The following TMEM184C variants were observed in gnomAD, a reference collection of about 807,000 sequenced individuals.
TMEM184C encodes transmembrane protein 34.
In TMEM184C, 25 loss-of-function variants were observed where a neutral mutation model predicts 54.5. The ratio of observed to expected loss-of-function variants is 0.46; its 90% CI spans 0.33 to 0.64. TMEM184C has a LOEUF of 0.64. Among genes scored for constraint, TMEM184C ranks in the 30% least tolerant of loss-of-function variants. TMEM184C has a pLI of 0.02. For synonymous variants in TMEM184C, 148 were observed against 181.5 expected (o/e 0.82, Z 1.49); for missense variants, 335 against 520.3 (o/e 0.64, Z 3.46).
Position 147,623,968 on chromosome 4 carries a change from T to C in TMEM184C, c.254+4T>C, listed in dbSNP as rs1732762894. On this transcript the variant is annotated splice_donor_region_variant and intron_variant, in intron 2 of 9. Coordinates refer to ENST00000296582, the MANE Select transcript of TMEM184C (RefSeq NM_018241.3). ...AACTACAAAAACCAATAATAAGGTA[T>C]GTCTTAATAATTTTGATTCCACTAC... The C allele has an allele frequency of 3.1e-6, 5 of 1,613,838 alleles. 1 individual carries two copies. In the Middle Eastern group the frequency reaches 8.3e-4, roughly 266 times the overall value.
At chr4:147,629,955 G>A (rs1297461000) in intron 6 of TMEM184C, among the ~76,000 whole-genome samples, 1 of 151,104 alleles carries the variant, frequency 6.6e-6, no homozygotes, top group Non-Finnish European at 1.5e-5. Context: ...TATTTCTGTT[G>A]CTCATTGCAT....
At chr4:147,620,954 G>C (rs561271111) in intron 1 of TMEM184C, among the ~76,000 whole-genome samples, 1 of 152,118 alleles carries the variant, frequency 6.6e-6, no homozygotes, top group Non-Finnish European at 1.5e-5. Flanking sequence ...CCAGGCTGCC[G>C]TGAGAAAATA....
At chr4:147,625,136 C>T in intron 4 of TMEM184C, 127 bp downstream of exon 4, 10 of 817,826 alleles carry the variant, frequency 1.2e-5, no homozygotes, top group Non-Finnish European at 1.9e-5. Flanking sequence ...TATAAGACAG[C>T]TCCTGATGCA....
intron 8 of TMEM184C, among the ~76,000 whole-genome samples, chr4:147,633,481 T>TA (rs1416988318): frequency 6.6e-6 from 1 of 151,926 alleles, no homozygotes; most frequent in African/African-American, 2.4e-5. Context: ...CACATGCCTA[T>TA]ACTCCTAGTT....
At position 147,634,181 on chromosome 4, in the gene TMEM184C, G is replaced by T; in HGVS notation, c.1064G>T (p.Arg355Met). ...CTTTATATTAAAGGACGGACAGTCAGGGGACATCCCAGGAAAAAATTGTTT... is the reference window on the plus strand; with the variant it reads ...CTTTATATTAAAGGACGGACAGTCATGGGACATCCCAGGAAAAAATTGTTT... ...EQVRHVGRTVRGHPRKKLFPE... is the reference protein window; with the variant it reads ...EQVRHVGRTVMGHPRKKLFPE... Residue 355 changes from arginine to methionine, a missense_variant, in exon 10 of 10, where the codon AGG becomes ATG. Coordinates refer to ENST00000296582, the MANE Select transcript of TMEM184C (RefSeq NM_018241.3). The T allele has an allele frequency of 1.2e-6, 2 of 1,613,674 alleles. No homozygotes were observed. The highest frequency in any genetic ancestry group is 1.7e-6 in the Non-Finnish European group (2 of 1,179,850).
At chr4:147,620,637 T>G (rs536757369) in intron 1 of TMEM184C, among the ~76,000 whole-genome samples, 1 of 152,304 alleles carries the variant, frequency 6.6e-6, no homozygotes, top group South Asian at 2.1e-4. Flanking sequence ...GTAAGTATCC[T>G]TAGAAGTGAG....
intron 1 of TMEM184C, among the ~76,000 whole-genome samples, chr4:147,620,517 T>A (rs1732689254): frequency 6.6e-6 from 1 of 152,078 alleles, no homozygotes; most frequent in Admixed American, 6.6e-5. Context: ...AAAGCAGAAG[T>A]GAAGGGAAGT....
Position 147,634,384 on chromosome 4 carries a change from G to C in TMEM184C, c.1267G>C (p.Asp423His), listed in dbSNP as rs1446164126. Residue 423 changes from aspartate (D) to histidine (H), a missense_variant, in exon 10 of 10, where the codon GAT becomes CAT. Coordinates refer to ENST00000296582, the MANE Select transcript of TMEM184C (RefSeq NM_018241.3). ...TAKISDEILS[D>H]TIGEKKEPSD... is the part of the protein sequence containing the mutation. Reference sequence around the variant, plus strand: ...TAAGATATCTGATGAAATCCTTAGTGATACTATAGGAGAGAAAAAAGAACC... The same window carrying C: ...TAAGATATCTGATGAAATCCTTAGTCATACTATAGGAGAGAAAAAAGAACC... 1 of 1,613,954 alleles carries C rather than the reference G, an allele frequency of 6.2e-7. No individual in the cohort carries two copies. The highest frequency in any genetic ancestry group is 1.3e-5 in the African/African-American group (1 of 74,898).
At chr4:147,622,529 A>G (rs1163124398) in intron 1 of TMEM184C, among the ~76,000 whole-genome samples, 3 of 152,186 alleles carry the variant, frequency 2.0e-5, no homozygotes, top group Non-Finnish European at 4.4e-5. Flanking sequence ...TAGTATATGC[A>G]TATAGGATTT....
intron 1 of TMEM184C, among the ~76,000 whole-genome samples, chr4:147,623,629 T>G (rs1332548401): frequency 3.3e-5 from 4 of 121,886 alleles, no homozygotes; most frequent in Non-Finnish European, 7.1e-5. Context: ...CCCCACAAAT[T>G]TTTTTCAATT....
At chr4:147,624,021 G>A (rs959451121) in intron 2 of TMEM184C, 41 bp from the exon 3 acceptor site, 1 of 1,611,188 alleles carries the variant, frequency 6.2e-7, no homozygotes, top group African/African-American at 1.3e-5. Context: ...TCATAAATAT[G>A]ACATAAAATG....
intron 1 of TMEM184C, among the ~76,000 whole-genome samples, chr4:147,622,419 A>G (rs1297074011): frequency 6.6e-6 from 1 of 152,238 alleles, no homozygotes; most frequent in Non-Finnish European, 1.5e-5. Context: ...TAAATAACTT[A>G]TTACAATATA....
intron 1 of TMEM184C, among the ~76,000 whole-genome samples, chr4:147,623,212 G>A (rs989683575): frequency 6.6e-5 from 10 of 152,030 alleles, no homozygotes; most frequent in Admixed American, 2.0e-4. Flanking sequence ...TTCAGGAGGC[G>A]GAGGCGGACG....
intron 5 of TMEM184C, among the ~76,000 whole-genome samples, chr4:147,629,083 G>T (rs1293162146): frequency 6.6e-6 from 1 of 151,998 alleles, no homozygotes; most frequent in African/African-American, 2.4e-5. Context: ...AATTATGAAG[G>T]CATGCTTTAT....
At position 147,617,956 on chromosome 4, in the gene TMEM184C, C is replaced by T; in HGVS notation, c.-1C>T. 1.2e-6 allele frequency: 2 copies of T among 1,614,152 alleles called. No individual in the cohort carries two copies. Among genetic ancestry groups the T allele is most frequent in the Non-Finnish European group, 1.7e-6 (2 of 1,179,994 alleles). On this transcript the variant is annotated 5_prime_UTR_variant, in exon 1 of 10. Coordinates refer to ENST00000296582, the MANE Select transcript of TMEM184C (RefSeq NM_018241.3). ...TAACCGGATCTGATTTGTGCGAAAA[C>T]ATGCCTTGCACTTGTACCTGGAGGA...
In TMEM184C at chr4:147,633,062, A is replaced by G; in HGVS notation, c.879+60A>G. ...TACTATTTGTTAAGCATTTTTACAT[A>G]TCTCCACTAAACCTGACAACACACA... On this transcript the variant is annotated intron_variant, in intron 8 of 9. Coordinates refer to ENST00000296582, the MANE Select transcript of TMEM184C (RefSeq NM_018241.3). 3 of 1,424,776 alleles carry G rather than the reference A, an allele frequency of 2.1e-6. No homozygotes were observed. In the South Asian group the frequency reaches 3.5e-5, roughly 17 times the overall value. The allele number at this position is 1,424,776 out of a possible 1,614,324, so 88.3% of individuals were successfully genotyped here.
Position 147,629,665 on chromosome 4 carries a change from G to A in TMEM184C, c.639G>A (p.Leu213=), listed in dbSNP as rs778167429. 6.3e-7 allele frequency: 1 copy of A among 1,589,456 alleles called. No homozygotes were observed. Among genetic ancestry groups the A allele is most frequent in the Non-Finnish European group, 8.5e-7 (1 of 1,170,012 alleles). The part of the protein sequence containing the change: ...NFSFSNAWTY[L]VIINNMSQLF... Reference sequence around the variant, plus strand: ...GCTTTTCAAATGCTTGGACTTATTTGGTTATAATAAACAACATGTCACAGT... The same window carrying A: ...GCTTTTCAAATGCTTGGACTTATTTAGTTATAATAAACAACATGTCACAGT... Residue 213 remains leucine, a synonymous_variant, in exon 6 of 10, where the codon TTG becomes TTA. Coordinates refer to ENST00000296582, the MANE Select transcript of TMEM184C (RefSeq NM_018241.3).
At chr4:147,631,075 T>C (rs1303957835) in intron 6 of TMEM184C, among the ~76,000 whole-genome samples, 1 of 152,126 alleles carries the variant, frequency 6.6e-6, no homozygotes, top group Non-Finnish European at 1.5e-5. Context: ...AATTTATGTT[T>C]AAAAGCCGTT....
At position 147,623,788 on chromosome 4, in the gene TMEM184C, G is replaced by T. The variant is rs1578858135; in HGVS notation, c.124-46G>T. The T allele has an allele frequency of 2.5e-6, 4 of 1,594,290 alleles. No individual in the cohort carries two copies. In the East Asian group the frequency reaches 9.0e-5, roughly 36 times the overall value. Reference sequence around the variant, plus strand: ...GCACTGAGCCTGGCCAAGCTCTTTTGTTTTAATATCAGAATTTATATTAAC... The same window carrying T: ...GCACTGAGCCTGGCCAAGCTCTTTTTTTTTAATATCAGAATTTATATTAAC... On this transcript the variant is annotated intron_variant, in intron 1 of 9. Transcript: ENST00000296582.
Sources: allele counts gnomAD v4.1 joint callset (sites outside exome capture counted in the v4.1 genomes callset), GRCh38; gene constraint gnomAD v4.1.1; transcripts MANE v1.5; gene names NCBI Gene and HGNC (gene_info 2026-07-23, HGNC 2026-07-21).